AP3M1: variants seen among roughly 807,000 people sequenced by gnomAD.
AP3M1 encodes the protein adaptor related protein complex 3 subunit mu 1.
A neutral mutation model predicts 42.6 loss-of-function variants in AP3M1; 29 were observed. The observed-to-expected ratio is 0.68, with a 90% CI of 0.51 to 0.93. The LOEUF is 0.93. Ranked by LOEUF, AP3M1 falls within the 40% of genes least tolerant of loss-of-function variation. The pLI is 0.00. For missense variants in AP3M1, 416 were observed against 510.2 expected, an observed-to-expected ratio of 0.82 and a Z score of 1.78; for synonymous variants, 178 against 175.3, an observed-to-expected ratio of 1.02 and a Z score of -0.12.
chr10:74,148,855 T>A (rs1841417302), intron 1 of AP3M1, among the ~76,000 whole-genome samples: 1 of 150,912 alleles, frequency 6.6e-6, no homozygotes, highest in Non-Finnish European at 1.5e-5. Flanking sequence ...CCGCACTCCA[T>A]CTGCCCATAG....
At chr10:74,138,493 G>C in intron 1 of AP3M1, 111 bp from the exon 2 acceptor site, 1 of 908,912 alleles carries the variant, frequency 1.1e-6, no homozygotes, top group Non-Finnish European at 1.6e-6. Flanking sequence ...ATGCAAGGCT[G>C]GTTCAACATA....
intron 6 of AP3M1, among the ~76,000 whole-genome samples, chr10:74,127,331 G>C (rs1840648006): frequency 6.6e-6 from 1 of 152,012 alleles, no homozygotes; most frequent in Non-Finnish European, 1.5e-5. Flanking sequence ...ACAGAAATCT[G>C]AAGTTTAATA....
At position 74,134,122 on chromosome 10, in the gene AP3M1, G is replaced by C. The variant is rs1840871313; in HGVS notation, c.488C>G (p.Ser163Cys). The C allele has an allele frequency of 6.2e-7, 1 of 1,614,096 alleles. No individual in the cohort carries two copies. The highest frequency in any genetic ancestry group is 8.5e-7 in the Non-Finnish European group (1 of 1,180,000). ...CCCTGCCCGACGCCATGGTATGTTGGACAGCTGCCCGGTGGGGAGTGTGTC... is the reference window on the plus strand; with the variant it reads ...CCCTGCCCGACGCCATGGTATGTTGCACAGCTGCCCGGTGGGGAGTGTGTC... ...VGDTLPTGQL[S>C]NIPWRRAGVK... Residue 163 changes from serine to cysteine, a missense_variant, in exon 4 of 9, where the codon TCC (serine) becomes TGC (cysteine). Transcript: ENST00000355264.
chr10:74,133,353 C>G (rs1305886530), intron 4 of AP3M1, among the ~76,000 whole-genome samples: 1 of 150,584 alleles, frequency 6.6e-6, no homozygotes, highest in Non-Finnish European at 1.5e-5. Context: ...GAGATTGCAC[C>G]ATTGCACTCC....
intron 6 of AP3M1, among the ~76,000 whole-genome samples, chr10:74,126,803 T>C (rs953959810): frequency 1.3e-5 from 2 of 150,498 alleles, no homozygotes; most frequent in African/African-American, 4.9e-5. Flanking sequence ...AAACCTCGTC[T>C]CTACTAAAAA....
Position 74,138,339 on chromosome 10 carries a change from A to G in AP3M1, c.41T>C (p.Ile14Thr), listed in dbSNP as rs756182318. The change falls in exon 2 of 9, where the codon ATA becomes ACA. Residue 14 changes from isoleucine (I) to threonine (T), a missense_variant. Ile to Thr is a moderately conservative substitution (Grantham distance 89). Transcript: ENST00000355264. ...SLFLINCSGD[I>T]FLEKHWKSVV... ...GCTCTTCCAGTGCTTCTCTAGAAAT[A>G]TGTCACCGGAACAGTTTATGAGAAA... The G allele has an allele frequency of 6.2e-7, 1 of 1,614,172 alleles. No homozygotes were observed. The highest frequency in any genetic ancestry group is 8.5e-7 in the Non-Finnish European group (1 of 1,180,016).
chr10:74,145,557 C>T (rs1309513287), intron 1 of AP3M1, among the ~76,000 whole-genome samples: 1 of 152,088 alleles, frequency 6.6e-6, no homozygotes, highest in Non-Finnish European at 1.5e-5. Context: ...ATTTATCGTC[C>T]TTTTGGTAGC....
At chr10:74,125,129 G>A (rs570225272) in intron 7 of AP3M1, among the ~76,000 whole-genome samples, 113 of 152,224 alleles carry the variant, frequency 7.4e-4, no homozygotes, top group Middle Eastern at 3.4e-3. Flanking sequence ...ACAGGCATGC[G>A]CCACCATGCC....
In AP3M1 at chr10:74,126,186, G is replaced by T; in HGVS notation, c.973C>A (p.Pro325Thr). 1.2e-6 allele frequency: 2 copies of T among 1,614,190 alleles called. No homozygotes were observed. Among genetic ancestry groups the T allele is most frequent in the Non-Finnish European group, 1.7e-6 (2 of 1,180,036 alleles). ...PKVVLNMNLT[P>T]TQGSYTFDPV... is the part of the protein sequence containing the mutation. Reference sequence around the variant, plus strand: ...TCAAATGTATAGCTGCCTTGTGTGGGTGTCAGGTTCATGTTCAGCACAACT... The same window carrying T: ...TCAAATGTATAGCTGCCTTGTGTGGTTGTCAGGTTCATGTTCAGCACAACT... The change falls in exon 7 of 9, where the codon CCC becomes ACC. Residue 325 changes from proline (P) to threonine (T), a missense_variant. Coordinates refer to ENST00000355264, the MANE Select transcript of AP3M1 (RefSeq NM_012095.6).
At position 74,134,071 on chromosome 10, in the gene AP3M1, T is replaced by C. The variant is rs946476951; in HGVS notation, c.539A>G (p.Tyr180Cys). The C allele has an allele frequency of 8.1e-6, 13 of 1,614,040 alleles. No homozygotes were observed. The highest frequency in any genetic ancestry group is 1.1e-5 in the Non-Finnish European group (13 of 1,180,022). Residue 180 changes from tyrosine to cysteine, a missense_variant, in exon 4 of 9, where the codon TAT becomes TGT. Coordinates refer to ENST00000355264, the MANE Select transcript of AP3M1 (RefSeq NM_012095.6). ...GTCTATTTCTTCAACAACATCAAAA[T>C]AGGCTTCATTGTTTGTGTACTTTAC... ...AGVKYTNNEA[Y>C]FDVVEEIDAI...
intron 1 of AP3M1, chr10:74,138,877 G>C (rs1351407195): frequency 7.1e-6 from 1 of 141,272 alleles, no homozygotes; most frequent in Non-Finnish European, 1.5e-5. Context: ...CGACGCTGTA[G>C]AGAGCTAAGA....
intron 1 of AP3M1, among the ~76,000 whole-genome samples, chr10:74,138,597 G>GAA (rs35488304): frequency 3.6e-5 from 4 of 111,046 alleles, no homozygotes; most frequent in East Asian, 2.9e-4. Flanking sequence ...ATCCTTTTAC[G>GAA]AAAAAAAAAA....
intron 2 of AP3M1, 113 bp from the exon 3 acceptor site, chr10:74,136,916 C>T (rs1346202921): frequency 1.5e-6 from 1 of 673,972 alleles, no homozygotes; most frequent in Non-Finnish European, 2.2e-6. Context: ...GCTTAAGCTG[C>T]TGAACATATA....
intron 1 of AP3M1, among the ~76,000 whole-genome samples, chr10:74,149,529 C>T (rs1280541669): frequency 6.6e-6 from 1 of 151,742 alleles, no homozygotes; most frequent in East Asian, 1.9e-4. Flanking sequence ...ACTTTGTGAT[C>T]CGCCCGCTTC....
chr10:74,128,035 G>A (rs1188337621), intron 6 of AP3M1, among the ~76,000 whole-genome samples: 2 of 149,212 alleles, frequency 1.3e-5, no homozygotes, highest in African/African-American at 5.0e-5. Context: ...TGGAGGTGGA[G>A]GTTGCAGTAA....
In AP3M1 at chr10:74,122,810, G is replaced by C. The variant is rs1046344531; in HGVS notation, c.*1000C>G. ...AACCCTTAAGAACAACAACAAAAAA[G>C]ATTTAAAAAGACTGATGACTGTGAG... On this transcript the variant is annotated 3_prime_UTR_variant, in exon 9 of 9. Coordinates refer to ENST00000355264, the MANE Select transcript of AP3M1 (RefSeq NM_012095.6). 2 of 152,142 alleles carry C rather than the reference G, an allele frequency of 1.3e-5. No homozygotes were observed. The highest frequency in any genetic ancestry group is 2.9e-5 in the Non-Finnish European group (2 of 68,004). The allele number at this position is 152,142 out of a possible 1,614,324, so 9.4% of individuals were successfully genotyped here.
At chr10:74,128,920 C>T in intron 6 of AP3M1, 188 bp downstream of exon 6, 1 of 609,544 alleles carries the variant, frequency 1.6e-6, no homozygotes, top group Non-Finnish European at 2.8e-6. Flanking sequence ...CCACTCTACA[C>T]TCATACATTC....
At chr10:74,125,966 CAGT>C (rs1425661210) in intron 7 of AP3M1, among the ~76,000 whole-genome samples, 179 bp downstream of exon 7, 2 of 152,210 alleles carry the variant, frequency 1.3e-5, no homozygotes, top group African/African-American at 4.8e-5. Context: ...TTCATCTACT[CAGT>C]AGCAGCTGCA....
Position 74,124,423 on chromosome 10 carries a change from C to T in AP3M1, c.1113G>A (p.Pro371=), listed in dbSNP as rs569792432. The part of the protein sequence containing the change: ...QSGAPKPEEN[P]SLNIQFKIQQ... ...GGATCTTAAACTGTATGTTGAGGCT[C>T]GGATTCTCTTCTGGTTTGGGGGCTC... Residue 371 remains proline (P), a synonymous_variant, in exon 8 of 9, where the codon CCG becomes CCA. Coordinates refer to ENST00000355264, the MANE Select transcript of AP3M1 (RefSeq NM_012095.6). 8.1e-6 allele frequency: 13 copies of T among 1,613,688 alleles called. No homozygotes were observed. The highest frequency in any genetic ancestry group is 5.3e-5 in the African/African-American group (4 of 75,024).
Sources: allele counts gnomAD v4.1 joint callset (sites outside exome capture counted in the v4.1 genomes callset), GRCh38; gene constraint gnomAD v4.1.1; transcripts MANE v1.5; gene names NCBI Gene and HGNC (gene_info 2026-07-23, HGNC 2026-07-21).